The following GPATCH2 variants were observed in gnomAD, a reference collection of about 807,000 sequenced individuals.
GPATCH2 encodes G patch domain-containing protein 2.
In GPATCH2, 51 loss-of-function variants were observed where a neutral mutation model predicts 58.0. The ratio of observed to expected loss-of-function variants is 0.88; its 90% CI spans 0.70 to 1.11. GPATCH2 has a LOEUF of 1.11. Ranked by LOEUF, GPATCH2 falls within the 50% of genes most tolerant of loss-of-function variation. The pLI is 0.00. For missense variants in GPATCH2, 625 were observed against 652.2 expected (o/e 0.96, Z 0.45); for synonymous variants, 222 against 218.5 (o/e 1.02, Z -0.14).
At chr1:217,607,255 CATACACGT>C (rs1648816798) in intron 5 of GPATCH2, among the ~76,000 whole-genome samples, 1 of 152,186 alleles carries the variant, frequency 6.6e-6, no homozygotes, top group African/African-American at 2.4e-5. Flanking sequence ...AGTTGCCCGA[CATACACGT>C]GCATTCCTAC....
intron 5 of GPATCH2, among the ~76,000 whole-genome samples, chr1:217,524,181 G>A (rs1320352352): frequency 7.2e-6 from 1 of 138,778 alleles, no homozygotes; most frequent in Non-Finnish European, 1.6e-5. Flanking sequence ...CTTCTCAGAC[G>A]GGGCGGCTGC....
intron 5 of GPATCH2, among the ~76,000 whole-genome samples, chr1:217,577,493 T>C (rs1430247071): frequency 6.6e-6 from 1 of 152,272 alleles, no homozygotes; most frequent in African/African-American, 2.4e-5. Flanking sequence ...TAGTGTGAGG[T>C]TAAATGAGCA....
chr1:217,631,065 T>C lies in GPATCH2; in HGVS notation c.-94A>G. 8.1e-7 allele frequency: 1 copy of C among 1,233,164 alleles called. No individual in the cohort carries two copies. The highest frequency in any genetic ancestry group is 1.3e-5 in the South Asian group (1 of 75,326). 76.4% of individuals were successfully genotyped at this position (1,233,164 alleles called of 1,614,324 possible). Reference sequence around the variant, plus strand: ...CGACTTCCAAAGAGCAGTTCAGCATTTTGAGATGAGCTTCCGGAAGCCGAC... The same window carrying C: ...CGACTTCCAAAGAGCAGTTCAGCATCTTGAGATGAGCTTCCGGAAGCCGAC... On this transcript the variant is annotated 5_prime_UTR_variant, in exon 1 of 10. Transcript: ENST00000366935.
chr1:217,492,640 C>T (rs1661803427), intron 7 of GPATCH2: 1 of 152,206 alleles, frequency 6.6e-6, no homozygotes, highest in Admixed American at 6.5e-5. Flanking sequence ...TTACCATTTA[C>T]AACCTGTGTA....
At chr1:217,506,496 G>T (rs1264076381) in intron 6 of GPATCH2, among the ~76,000 whole-genome samples, 1 of 152,192 alleles carries the variant, frequency 6.6e-6, no homozygotes, top group Non-Finnish European at 1.5e-5. Context: ...AAGCCATGTG[G>T]CTAGGTAAGA....
chr1:217,463,641 C>CAAAAAAAAAAAAAAAAAAAAAA (rs201402598), intron 8 of GPATCH2, among the ~76,000 whole-genome samples: 3 of 82,454 alleles, frequency 3.6e-5, no homozygotes, highest in Non-Finnish European at 6.7e-5. Flanking sequence ...CTTATCACTC[C>CAAAAAAAAAAAAAAAAAAAAAA]AAAAAAAAAA....
intron 5 of GPATCH2, among the ~76,000 whole-genome samples, chr1:217,594,838 C>A (rs1401881100): frequency 6.6e-6 from 1 of 152,150 alleles, no homozygotes; most frequent in Non-Finnish European, 1.5e-5. Context: ...AAAGTGCCTG[C>A]TTTGCCCTCC....
intron 5 of GPATCH2, among the ~76,000 whole-genome samples, chr1:217,523,929 GGCA>G (rs1663645186): frequency 9.0e-6 from 1 of 110,928 alleles, no homozygotes. Flanking sequence ...TCCCGGACGG[GGCA>G]GTTGGCCGGG....
intron 9 of GPATCH2, among the ~76,000 whole-genome samples, chr1:217,441,792 A>G (rs1659154621): frequency 6.6e-6 from 1 of 152,230 alleles, no homozygotes; most frequent in Non-Finnish European, 1.5e-5. Flanking sequence ...TCACAATGAG[A>G]CACCATCCCA....
intron 5 of GPATCH2, among the ~76,000 whole-genome samples, chr1:217,541,647 T>A (rs1212424434): frequency 1.3e-5 from 2 of 152,198 alleles, no homozygotes; most frequent in Non-Finnish European, 2.9e-5. Flanking sequence ...AAAATTAAGC[T>A]TCTATATTCT....
chr1:217,543,160 T>C (rs1558471474), intron 5 of GPATCH2, among the ~76,000 whole-genome samples: 1 of 152,008 alleles, frequency 6.6e-6, no homozygotes, highest in Non-Finnish European at 1.5e-5. Flanking sequence ...TCAGAGAATA[T>C]AGTGGATCAA....
At chr1:217,531,239 T>C (rs1664175099) in intron 5 of GPATCH2, among the ~76,000 whole-genome samples, 1 of 152,212 alleles carries the variant, frequency 6.6e-6, no homozygotes, top group African/African-American at 2.4e-5. Context: ...CATATGTTTG[T>C]CTTCTCTATA....
At chr1:217,605,020 T>C (rs1273272409) in intron 5 of GPATCH2, among the ~76,000 whole-genome samples, 1 of 150,190 alleles carries the variant, frequency 6.7e-6, no homozygotes, top group Non-Finnish European at 1.5e-5. Flanking sequence ...CAAGGCTCTG[T>C]CTCAAAATAA....
chr1:217,446,158 A>G lies in GPATCH2; in HGVS notation c.1366+3091T>C, dbSNP rs116115704. ...CTTTTAACTCTTACTCCCTATTTCA[A>G]ATAAAAGACTGTTATCATCTGCATT... On this transcript the variant is annotated intron_variant, in intron 9 of 9. Transcript: ENST00000366935. Among the ~76,000 whole-genome samples, 1,398 of 152,248 alleles carry G rather than the reference A, an allele frequency of 9.2e-3. 26 individuals carry two copies. The highest frequency in any genetic ancestry group is 0.031 in the African/African-American group (1,306 of 41,558).
chr1:217,546,110 A>G (rs532923720), intron 5 of GPATCH2, among the ~76,000 whole-genome samples: 36 of 152,330 alleles, frequency 2.4e-4, no homozygotes, highest in Non-Finnish European at 5.1e-4. Context: ...GATCTCTACA[A>G]GGAGAACTAC....
intron 1 of GPATCH2, among the ~76,000 whole-genome samples, chr1:217,621,791 A>G (rs1291333538): frequency 6.6e-6 from 1 of 152,214 alleles, no homozygotes; most frequent in Non-Finnish European, 1.5e-5. Flanking sequence ...TAAAAACAAC[A>G]CACATTGTGA....
In GPATCH2 at chr1:217,620,800, C is replaced by A. The variant is rs985342377; in HGVS notation, c.57-301G>T. On this transcript the variant is annotated intron_variant, in intron 1 of 9. Coordinates refer to ENST00000366935, the MANE Select transcript of GPATCH2 (RefSeq NM_018040.5). Reference sequence around the variant, plus strand: ...AATTATGGAAAAGTTCTGTTTAAATCCCTATCCGCTGGCCCACTCCTACCC... The same window carrying A: ...AATTATGGAAAAGTTCTGTTTAAATACCTATCCGCTGGCCCACTCCTACCC... 3.9e-5 allele frequency among the ~76,000 whole-genome samples: 6 copies of A among 152,272 alleles called. No homozygotes were observed. The South Asian group carries it at 1.0e-3, about 26-fold the overall frequency.
chr1:217,620,224 T>C lies in GPATCH2; in HGVS notation c.332A>G (p.Lys111Arg). 1 of 1,613,980 alleles carries C rather than the reference T, an allele frequency of 6.2e-7. No homozygotes were observed. The highest frequency in any genetic ancestry group is 1.3e-5 in the African/African-American group (1 of 75,052). The change falls in exon 2 of 10, where the codon AAA (lysine) becomes AGA (arginine). Residue 111 changes from lysine to arginine, a missense_variant. Physicochemically the swap from Lys to Arg is conservative, Grantham distance 26. Transcript: ENST00000366935. ...KDYRENHNNN[K>R]KDHSDSDDQM... is the part of the protein sequence containing the mutation. ...GTCATCAGAGTCACTGTGATCTTTT[T>C]TATTATTATTGTGATTCTCTCTATA...
intron 9 of GPATCH2, among the ~76,000 whole-genome samples, chr1:217,435,179 T>C (rs959776759): frequency 6.6e-6 from 1 of 152,198 alleles, no homozygotes; most frequent in African/African-American, 2.4e-5. Flanking sequence ...CTCCTGGCAG[T>C]GTTAAAATCC....
Sources: allele counts gnomAD v4.1 joint callset (sites outside exome capture counted in the v4.1 genomes callset), GRCh38; gene constraint gnomAD v4.1.1; transcripts MANE v1.5; gene names NCBI Gene and HGNC (gene_info 2026-07-23, HGNC 2026-07-21).